Variants in ZSCAN29 observed in about 807,000 individuals in gnomAD.
ZSCAN29 encodes the protein zinc finger and SCAN domain containing 29, also known as zinc finger and SCAN domain-containing protein 29.
ZSCAN29 carries 55 observed loss-of-function variants against 71.9 expected under a neutral mutation model. That is an observed-to-expected ratio of 0.76 (90% CI 0.62 to 0.96). The LOEUF (loss-of-function observed/expected upper bound fraction) is 0.96, where lower values mean the gene tolerates loss of function less well. Among genes scored for constraint, ZSCAN29 ranks in the 40% least tolerant of loss-of-function variants. The pLI is 0.00. For missense variants in ZSCAN29, 1,042 were observed against 1,042.2 expected (o/e 1.00, Z 0.00); for synonymous variants, 351 against 371.6 (o/e 0.94, Z 0.64).
Position 43,359,736 on chromosome 15 carries a change from A to T in ZSCAN29, c.*1337T>A, listed in dbSNP as rs1381449319. On this transcript the variant is annotated 3_prime_UTR_variant, in exon 6 of 6. Transcript: ENST00000684362. ...CTCTGTGGAACTTCTGGACCACAAG[A>T]GACAGACGAAATTCAGATGAGACTG... 1 of 152,272 alleles carries T rather than the reference A, an allele frequency of 6.6e-6. No homozygotes were observed. Among genetic ancestry groups the T allele is most frequent in the East Asian group, 1.9e-4 (1 of 5,202 alleles). The allele number at this position is 152,272 out of a possible 1,614,324, so 9.4% of individuals were successfully genotyped here.
In ZSCAN29 at chr15:43,369,996, C is replaced by G; in HGVS notation, c.-83G>C. ...ATCTTCCCATGTCCTTGGAGAATCC[C>G]CTGCAGATGACTGTAAGAGGTGTTT... is the stretch of plus-strand genomic sequence containing the variant. On this transcript the variant is annotated 5_prime_UTR_variant, in exon 2 of 6. Coordinates refer to ENST00000684362, the MANE Select transcript of ZSCAN29 (RefSeq NM_001372080.1). 7.3e-7 allele frequency: 1 copy of G among 1,369,302 alleles called. No homozygotes were observed. The highest frequency in any genetic ancestry group is 1.4e-5 in the South Asian group (1 of 72,266). 84.8% of individuals were successfully genotyped at this position (1,369,302 alleles called of 1,614,324 possible).
At position 43,366,128 on chromosome 15, in the gene ZSCAN29, C is replaced by G; in HGVS notation, c.1204G>C (p.Val402Leu). 1 of 1,611,908 alleles carries G rather than the reference C, an allele frequency of 6.2e-7. No homozygotes were observed. The highest frequency in any genetic ancestry group is 8.5e-7 in the Non-Finnish European group (1 of 1,179,062). The stretch of plus-strand genomic sequence containing the variant: ...TTCTTACCACCTGGGCTTCTGAACA[C>G]AACAGGTGCAGCTGAGTTGGGGTCC... ...PQDPNSAAPV[V>L]FRSPGGVHWG... Residue 402 changes from valine to leucine, a missense_variant, in exon 4 of 6, where the codon GTG (valine) becomes CTG (leucine). Transcript: ENST00000684362.
At chr15:43,370,136 A>C in intron 1 of ZSCAN29, 111 bp from the exon 2 acceptor site, 1 of 530,732 alleles carries the variant, frequency 1.9e-6, no homozygotes, top group East Asian at 3.2e-5. Flanking sequence ...AAGGTAGCAC[A>C]ATCTTCAGTA....
In ZSCAN29 at chr15:43,366,491, C is replaced by T. The variant is rs781002210; in HGVS notation, c.841G>A (p.Ala281Thr). The change falls in exon 4 of 6, where the codon GCT becomes ACT. Residue 281 changes from alanine (A) to threonine (T), a missense_variant. Physicochemically the swap from Ala to Thr is moderately conservative, Grantham distance 58 (BLOSUM62 0). Transcript: ENST00000684362. ...TATTCCCTGAGCCGCTCAGCCACAG[C>T]CCCATACACTTGGCTGTTCCTATGG... ...NCHRNSQVYG[A>T]VAERLREYGF... 9.9e-6 allele frequency: 16 copies of T among 1,614,238 alleles called. No individual in the cohort carries two copies. Among genetic ancestry groups the T allele is most frequent in the South Asian group, 1.1e-5 (1 of 91,084 alleles).
rs148746894 is a variant in ZSCAN29, at chr15:43,363,920, G to A, written c.1685C>T (p.Pro562Leu). ...ITRAPVLFQS[P>L]RGFEAGFENE... is the part of the protein sequence containing the mutation. ...TAATAGTGAAATAATCTTACCACGG[G>A]GGCTTTGGAATAACACTGGAGCACG... Residue 562 changes from proline (P) to leucine (L), a missense_variant, in exon 5 of 6, where the codon CCC becomes CTC. Physicochemically the swap from Pro to Leu is moderately conservative, Grantham distance 98 (BLOSUM62 -3). Coordinates refer to ENST00000684362, the MANE Select transcript of ZSCAN29 (RefSeq NM_001372080.1). 5 of 1,588,932 alleles carry A rather than the reference G, an allele frequency of 3.1e-6. No homozygotes were observed. The highest frequency in any genetic ancestry group is 4.3e-6 in the Non-Finnish European group (5 of 1,165,110).
chr15:43,366,390 G>A lies in ZSCAN29; in HGVS notation c.942C>T (p.Ser314=), dbSNP rs148202630. The change falls in exon 4 of 6, where the codon AGC becomes AGT. Residue 314 remains serine (S), a synonymous_variant. Coordinates refer to ENST00000684362, the MANE Select transcript of ZSCAN29 (RefSeq NM_001372080.1). ...AGGGGCAGGTCTCAGGTGGGTGGCC[G>A]CTCTTGACTTTCCGATAGCTCTTCT... is the stretch of plus-strand genomic sequence containing the variant. The part of the protein sequence containing the change: ...GLQKSYRKVK[S]GHPPETCPFF... 1.7e-4 allele frequency: 272 copies of A among 1,614,036 alleles called. No homozygotes were observed. The highest frequency in any genetic ancestry group is 9.6e-4 in the East Asian group (43 of 44,878).
At position 43,368,835 on chromosome 15, in the gene ZSCAN29, C is replaced by T; in HGVS notation, c.523+88G>A. The T allele has an allele frequency of 3.2e-6, 4 of 1,249,272 alleles. 1 individual carries two copies. The South Asian group carries it at 6.6e-5, about 21-fold the overall frequency. The allele number at this position is 1,249,272 out of a possible 1,614,324, so 77.4% of individuals were successfully genotyped here. On this transcript the variant is annotated intron_variant, in intron 3 of 5. Transcript: ENST00000684362. ...ACATATTCTGCAATTTCCACTTACT[C>T]CTGAAATCCCTTTCCCACTCACTAT...
Position 43,369,636 on chromosome 15 carries a change from A to C in ZSCAN29, c.278T>G (p.Val93Gly). The C allele has an allele frequency of 1.9e-6, 3 of 1,614,060 alleles. No individual in the cohort carries two copies. Among genetic ancestry groups the C allele is most frequent in the Non-Finnish European group, 2.5e-6 (3 of 1,179,958 alleles). The change falls in exon 2 of 6, where the codon GTG becomes GGG. Residue 93 changes from valine (V) to glycine (G), a missense_variant. Physicochemically the swap from Val to Gly is moderately radical, Grantham distance 109. Transcript: ENST00000684362. ...TCCAGGCTCTCTTTCTAAATCTTCC[A>C]CGAGAGTCACTGCCTCCTCTCCATT... is the stretch of plus-strand genomic sequence containing the variant. ...PENGEEAVTLVEDLEREPGRP... is the reference protein window; with the variant it reads ...PENGEEAVTLGEDLEREPGRP...
At position 43,369,903 on chromosome 15, in the gene ZSCAN29, T is replaced by A; in HGVS notation, c.11A>T (p.Lys4Ile). Reference sequence around the variant, plus strand: ...AGTGCCATTCTCTCTTAGAGCTGATTTGGCCATCATTAATAGCAGAATGCA... The same window carrying A: ...AGTGCCATTCTCTCTTAGAGCTGATATGGCCATCATTAATAGCAGAATGCA... MMA[K>I]SALRENGTNS... The change falls in exon 2 of 6, where the codon AAA (lysine) becomes ATA (isoleucine). Residue 4 changes from lysine to isoleucine, a missense_variant. By Grantham distance (102) the Lys-to-Ile change is moderately radical. Transcript: ENST00000684362. 1.3e-6 allele frequency: 2 copies of A among 1,598,302 alleles called. No individual in the cohort carries two copies. Among genetic ancestry groups the A allele is most frequent in the Non-Finnish European group, 1.7e-6 (2 of 1,174,200 alleles).
Position 43,369,964 on chromosome 15 carries a change from T to TAC in ZSCAN29, c.-53_-52dup, listed in dbSNP as rs769289579. The stretch of plus-strand genomic sequence containing the variant: ...GCTTAGGAGTCTGGGTTCCAGGGCT[T>TAC]ACATCTATCTTCCCATGTCCTTGGA... On this transcript the variant is annotated 5_prime_UTR_variant, in exon 2 of 6. An upstream open reading frame in the 5' UTR gains an earlier in-frame stop. Transcript: ENST00000684362. The TAC allele has an allele frequency of 1.3e-6, 2 of 1,516,582 alleles. No homozygotes were observed. Among genetic ancestry groups the TAC allele is most frequent in the South Asian group, 2.5e-5 (2 of 79,998 alleles). The allele number at this position is 1,516,582 out of a possible 1,614,324, so 93.9% of individuals were successfully genotyped here.
intron 4 of ZSCAN29, among the ~76,000 whole-genome samples, chr15:43,365,101 A>G (rs1566883135): frequency 6.6e-6 from 1 of 152,152 alleles, no homozygotes; most frequent in African/African-American, 2.4e-5. Context: ...AAGATCATGC[A>G]TGTCACAAAA....
At chr15:43,363,866 C>T in intron 5 of ZSCAN29, 49 bp downstream of exon 5, 1 of 1,508,680 alleles carries the variant, frequency 6.6e-7, no homozygotes, top group East Asian at 2.3e-5. Context: ...TTCCTAAGTC[C>T]CATTGTCTTC....
Position 43,366,238 on chromosome 15 carries a change from C to G in ZSCAN29, c.1094G>C (p.Arg365Thr). Reference sequence around the variant, plus strand: ...TGCTCCCTCCTCATGCTGCCAGCCCCTCTGCCCTGGCTCTTCAGTCTCAGC... The same window carrying G: ...TGCTCCCTCCTCATGCTGCCAGCCCGTCTGCCCTGGCTCTTCAGTCTCAGC... ...SDAETEEPGQ[R>T]GWQHEEGAEE... is the part of the protein sequence containing the mutation. The change falls in exon 4 of 6, where the codon AGG becomes ACG. Residue 365 changes from arginine (R) to threonine (T), a missense_variant. Arg to Thr is a moderately conservative substitution (Grantham distance 71). Coordinates refer to ENST00000684362, the MANE Select transcript of ZSCAN29 (RefSeq NM_001372080.1). 1 of 1,613,838 alleles carries G rather than the reference C, an allele frequency of 6.2e-7. No homozygotes were observed. The highest frequency in any genetic ancestry group is 8.5e-7 in the Non-Finnish European group (1 of 1,180,036).
chr15:43,360,134 G>A lies in ZSCAN29; in HGVS notation c.*939C>T, dbSNP rs1883584502. ...GAGACCTAGGCAGGCAGATCATGAG[G>A]TCAATTCAAAACCAGCCTGGCCAAC... On this transcript the variant is annotated 3_prime_UTR_variant, in exon 6 of 6. Transcript: ENST00000684362. 1.3e-5 allele frequency: 2 copies of A among 151,170 alleles called. No individual in the cohort carries two copies. The highest frequency in any genetic ancestry group is 6.6e-5 in the Admixed American group (1 of 15,158). 9.4% of individuals were successfully genotyped at this position (151,170 alleles called of 1,614,324 possible).
At chr15:43,362,175 C>T (rs1169341246) in intron 5 of ZSCAN29, among the ~76,000 whole-genome samples, 1 of 152,168 alleles carries the variant, frequency 6.6e-6, no homozygotes. Context: ...TTTAATTCCT[C>T]TTGGTCATCT....
In ZSCAN29 at chr15:43,369,816, C is replaced by G; in HGVS notation, c.98G>C (p.Arg33Pro). 1 of 1,614,172 alleles carries G rather than the reference C, an allele frequency of 6.2e-7. No homozygotes were observed. The highest frequency in any genetic ancestry group is 8.5e-7 in the Non-Finnish European group (1 of 1,180,048). ...RFHYQEVAGPREAFSQLWELC... is the reference protein window; with the variant it reads ...RFHYQEVAGPPEAFSQLWELC... ...TTCCCAGAGTTGGCTGAAAGCCTCC[C>G]GCGGCCCAGCCACCTCCTGGTAATG... Residue 33 changes from arginine (R) to proline (P), a missense_variant, in exon 2 of 6, where the codon CGG becomes CCG. Coordinates refer to ENST00000684362, the MANE Select transcript of ZSCAN29 (RefSeq NM_001372080.1).
chr15:43,369,229 G>A, intron 2 of ZSCAN29, 102 bp from the exon 3 acceptor site: 1 of 1,261,904 alleles, frequency 7.9e-7, no homozygotes, highest in Non-Finnish European at 1.1e-6. Context: ...TCAGAGCCAT[G>A]GCCAGGGTTG....
Position 43,359,535 on chromosome 15 carries a change from G to T in ZSCAN29, c.*1538C>A, listed in dbSNP as rs556113906. 6.6e-6 allele frequency: 1 copy of T among 152,334 alleles called. No individual in the cohort carries two copies. Among genetic ancestry groups the T allele is most frequent in the African/African-American group, 2.4e-5 (1 of 41,570 alleles). 9.4% of individuals were successfully genotyped at this position (152,334 alleles called of 1,614,324 possible). ...CATCTTCCCTGCCATTAGGGTAAAG[G>T]GCCTGTTCGCACACAGTAGTCCATT... On this transcript the variant is annotated 3_prime_UTR_variant, in exon 6 of 6. Coordinates refer to ENST00000684362, the MANE Select transcript of ZSCAN29 (RefSeq NM_001372080.1).
rs2043968878 is a variant in ZSCAN29, at chr15:43,360,617, A to C, written c.*456T>G. 6.4e-6 allele frequency: 1 copy of C among 155,988 alleles called. No individual in the cohort carries two copies. Among genetic ancestry groups the C allele is most frequent in the Non-Finnish European group, 1.4e-5 (1 of 70,578 alleles). The allele number at this position is 155,988 out of a possible 1,614,324, so 9.7% of individuals were successfully genotyped here. ...GCCATTGCACTCCAGCCTGGGCAACAAGAGCAAAACTCCGTCTCCAAAAAA... is the reference window on the plus strand; with the variant it reads ...GCCATTGCACTCCAGCCTGGGCAACCAGAGCAAAACTCCGTCTCCAAAAAA... On this transcript the variant is annotated 3_prime_UTR_variant, in exon 6 of 6. Transcript: ENST00000684362.
Sources: gnomAD v4.1 joint callset for allele counts (sites outside exome capture counted in the v4.1 genomes callset) on GRCh38, gnomAD v4.1.1 for gene constraint, MANE v1.5 for transcripts, NCBI Gene and HGNC (gene_info 2026-07-23, HGNC 2026-07-21) for gene names.